Variants in ELMOD1 observed in about 807,000 individuals in gnomAD.
The protein encoded by ELMOD1 is ELMO domain-containing protein 1.
ELMOD1 carries 21 observed loss-of-function variants against 46.7 expected under a neutral mutation model. The ratio of observed to expected loss-of-function variants is 0.45; its 90% confidence interval spans 0.32 to 0.65. The LOEUF (loss-of-function observed/expected upper bound fraction) is 0.65. Ranked by LOEUF, ELMOD1 falls within the 30% of genes least tolerant of loss-of-function variation. ELMOD1 has a pLI of 0.04. For missense variants in ELMOD1, 348 were observed against 407.8 expected (o/e 0.85, Z 1.26); for synonymous variants, 122 against 138.2 (o/e 0.88, Z 0.82).
chr11:107,655,379 A>AT (rs1001570427), intron 10 of ELMOD1, among the ~76,000 whole-genome samples: 1 of 151,700 alleles, frequency 6.6e-6, no homozygotes, highest in Non-Finnish European at 1.5e-5. Context: ...TCCACTTCGG[A>AT]TTTTTTTTCT....
chr11:107,659,707 A>ATGGC lies in ELMOD1; in HGVS notation c.832+3643_832+3646dup, dbSNP rs1451923138. 4.0e-3 allele frequency among the ~76,000 whole-genome samples: 543 copies of ATGGC among 134,334 alleles called. 3 individuals carry two copies. The highest frequency in any genetic ancestry group is 0.014 in the East Asian group (53 of 3,854). 88.1% of individuals were successfully genotyped at this position (134,334 alleles called of 152,430 possible). ...GATGGATGGATGGATGGATGGATGG[A>ATGGC]TGGCTAAAATACTGGCTGATGTTTT... On this transcript the variant is annotated intron_variant, in intron 11 of 11. Transcript: ENST00000265840.
intron 5 of ELMOD1, among the ~76,000 whole-genome samples, chr11:107,634,921 T>C (rs1369243231): frequency 6.6e-6 from 1 of 152,168 alleles, no homozygotes; most frequent in East Asian, 1.9e-4. Flanking sequence ...CACTTTGTAA[T>C]AAGCAAAGCA....
At chr11:107,616,471 C>T (rs1184840708) in intron 1 of ELMOD1, among the ~76,000 whole-genome samples, 1 of 152,138 alleles carries the variant, frequency 6.6e-6, no homozygotes, top group Non-Finnish European at 1.5e-5. Flanking sequence ...CCTCCACCTC[C>T]CGGTTCAAGT....
At chr11:107,636,766 T>A (rs1468921386) in intron 6 of ELMOD1, among the ~76,000 whole-genome samples, 1 of 152,226 alleles carries the variant, frequency 6.6e-6, no homozygotes, top group African/African-American at 2.4e-5. Flanking sequence ...TAAAGATGCC[T>A]CATTCTTGGC....
chr11:107,659,664 T>C (rs1591140525), intron 11 of ELMOD1, among the ~76,000 whole-genome samples: 3 of 73,668 alleles, frequency 4.1e-5, no homozygotes, highest in Admixed American at 1.3e-4. Flanking sequence ...GGTGGGTGGG[T>C]GGATGGATGG....
At chr11:107,609,223 T>A (rs1865736558) in intron 1 of ELMOD1, among the ~76,000 whole-genome samples, 1 of 152,278 alleles carries the variant, frequency 6.6e-6, no homozygotes, top group South Asian at 2.1e-4. Flanking sequence ...TATAAAACTT[T>A]AAGCTAAGAC....
chr11:107,655,652 GGT>G (rs1192804676), intron 10 of ELMOD1, among the ~76,000 whole-genome samples: 3 of 138,942 alleles, frequency 2.2e-5, no homozygotes, highest in Non-Finnish European at 4.5e-5. Context: ...CTACTCCGTG[GGT>G]AGAGCAGCCC....
chr11:107,645,085 G>A (rs1204644584), intron 6 of ELMOD1, among the ~76,000 whole-genome samples: 1 of 124,084 alleles, frequency 8.1e-6, no homozygotes, highest in African/African-American at 3.0e-5. Flanking sequence ...ACCATGCCTG[G>A]CTAATTTTTT....
intron 2 of ELMOD1, chr11:107,625,282 T>TTATGACATTTAGATGAAAAG (rs1202989209): frequency 2.8e-5 from 17 of 612,246 alleles, no homozygotes; most frequent in Non-Finnish European, 3.3e-5. Context: ...TTGCTCTTCT[T>TTATGACATTTAGATGAAAAG]TATGACATTT....
intron 1 of ELMOD1, among the ~76,000 whole-genome samples, chr11:107,602,019 A>T (rs911565771): frequency 3.9e-5 from 6 of 152,182 alleles, no homozygotes; most frequent in African/African-American, 1.4e-4. Context: ...ATTTTGGTGG[A>T]AAGCTTTCTT....
intron 11 of ELMOD1, 29 bp downstream of exon 11, chr11:107,656,095 A>G (rs1312507290): frequency 1.3e-6 from 2 of 1,550,048 alleles, no homozygotes; most frequent in South Asian, 2.4e-5. Flanking sequence ...AATTATCAAT[A>G]TAGGTTTCTA....
At chr11:107,636,876 G>A (rs767302717) in intron 6 of ELMOD1, among the ~76,000 whole-genome samples, 1 of 151,976 alleles carries the variant, frequency 6.6e-6, no homozygotes, top group Non-Finnish European at 1.5e-5. Context: ...TTCTGATGGA[G>A]GTAGTTCAAC....
At chr11:107,624,128 T>C (rs998946587) in intron 2 of ELMOD1, among the ~76,000 whole-genome samples, 1 of 152,198 alleles carries the variant, frequency 6.6e-6, no homozygotes, top group Admixed American at 6.5e-5. Flanking sequence ...AACCCTATAA[T>C]TGATGATGGA....
intron 1 of ELMOD1, chr11:107,591,827 T>C (rs1437716876): frequency 3.2e-5 from 15 of 472,852 alleles, no homozygotes; most frequent in Non-Finnish European, 4.8e-5. Context: ...ACCCCTTGCC[T>C]TGTGGGCTTC....
intron 1 of ELMOD1, among the ~76,000 whole-genome samples, chr11:107,597,715 T>C (rs1029677825): frequency 6.6e-6 from 1 of 152,218 alleles, no homozygotes; most frequent in African/African-American, 2.4e-5. Flanking sequence ...TATGATTTTA[T>C]TCTTTTCCAT....
At chr11:107,628,582 A>G (rs886796412) in intron 2 of ELMOD1, among the ~76,000 whole-genome samples, 4 of 150,278 alleles carry the variant, frequency 2.7e-5, no homozygotes, top group African/African-American at 4.9e-5. Flanking sequence ...GGAAGCTGTT[A>G]AACTAAATCC....
intron 2 of ELMOD1, chr11:107,625,530 C>T (rs985488791): frequency 1.0e-6 from 1 of 985,282 alleles, no homozygotes; most frequent in Admixed American, 6.1e-5. Context: ...TGTTGCATTA[C>T]AGGTACCCAC....
At position 107,665,352 on chromosome 11, in the gene ELMOD1, C is replaced by G; in HGVS notation, c.*155C>G. ...CATCTCTTGGTCATAATTCCGAGAT[C>G]CCCAGAGACCACTGTTTCTGGAGTA... is the stretch of plus-strand genomic sequence containing the variant. On this transcript the variant is annotated 3_prime_UTR_variant, in exon 12 of 12. Coordinates refer to ENST00000265840, the MANE Select transcript of ELMOD1 (RefSeq NM_018712.4). 1.4e-6 allele frequency: 1 copy of G among 732,018 alleles called. No individual in the cohort carries two copies. Among genetic ancestry groups the G allele is most frequent in the East Asian group, 2.6e-5 (1 of 38,682 alleles). 45.3% of individuals were successfully genotyped at this position (732,018 alleles called of 1,614,324 possible).
intron 5 of ELMOD1, among the ~76,000 whole-genome samples, chr11:107,633,212 A>G (rs890027802): frequency 2.6e-5 from 4 of 152,134 alleles, no homozygotes; most frequent in African/African-American, 9.7e-5. Flanking sequence ...TTAAATCTCC[A>G]TGTGGATTCT....
Sources: allele counts gnomAD v4.1 joint callset (sites outside exome capture counted in the v4.1 genomes callset), GRCh38; gene constraint gnomAD v4.1.1; transcripts MANE v1.5; gene names NCBI Gene and HGNC (gene_info 2026-07-23, HGNC 2026-07-21).